Variants in YEATS2 observed in about 807,000 individuals in gnomAD.
YEATS2 encodes YEATS domain-containing protein 2.
In YEATS2, 77 loss-of-function variants were observed where a neutral mutation model predicts 163.2. The observed-to-expected ratio is 0.47, with a 90% CI of 0.39 to 0.57. YEATS2 has a LOEUF of 0.57. Ranked by LOEUF, YEATS2 falls within the 20% of genes least tolerant of loss-of-function variation. The pLI is 0.00. For synonymous variants in YEATS2, 631 were observed against 645.1 expected, an observed-to-expected ratio of 0.98 and a Z score of 0.33; for missense variants, 1,549 against 1,729.8, an observed-to-expected ratio of 0.90 and a Z score of 1.85.
intron 1 of YEATS2, among the ~76,000 whole-genome samples, chr3:183,700,584 C>CT (rs1713953577): frequency 6.8e-6 from 1 of 146,518 alleles, no homozygotes. Flanking sequence ...TTTTCTTTTT[C>CT]TTTTCTTTTC....
At chr3:183,729,824 A>T (rs957569369) in intron 7 of YEATS2, among the ~76,000 whole-genome samples, 11 of 151,768 alleles carry the variant, frequency 7.2e-5, no homozygotes, top group Admixed American at 1.3e-4. Flanking sequence ...AGTAGCTGGG[A>T]TTACAGGTGC....
chr3:183,721,970 C>T lies in YEATS2; in HGVS notation c.371C>T (p.Ser124Phe), dbSNP rs1210377435. The T allele has an allele frequency of 1.2e-6, 2 of 1,614,152 alleles. No homozygotes were observed. Among genetic ancestry groups the T allele is most frequent in the East Asian group, 4.5e-5 (2 of 44,872 alleles). Reference protein sequence around the residue: ...KFLESPSRSSSPANQRAETPS... With the variant: ...KFLESPSRSSFPANQRAETPS... ...TTGGAATCACCATCTAGGTCATCAT[C>T]TCCTGCCAATCAGAGAGCAGAAACA... is the stretch of plus-strand genomic sequence containing the variant. The change falls in exon 5 of 31, where the codon TCT becomes TTT. Residue 124 changes from serine to phenylalanine, a missense_variant. By Grantham distance (155) the Ser-to-Phe change is radical (BLOSUM62 -2). Coordinates refer to ENST00000305135, the MANE Select transcript of YEATS2 (RefSeq NM_018023.5).
chr3:183,709,946 C>T (rs776460236), intron 1 of YEATS2, among the ~76,000 whole-genome samples: 2 of 152,108 alleles, frequency 1.3e-5, no homozygotes, highest in Non-Finnish European at 2.9e-5. Flanking sequence ...TCCCAAAGTG[C>T]TGGGATTACA....
At chr3:183,792,461 C>T (rs1040394269) in intron 21 of YEATS2, among the ~76,000 whole-genome samples, 3 of 152,152 alleles carry the variant, frequency 2.0e-5, no homozygotes. Flanking sequence ...ATCCATGTCC[C>T]TGCAAAGGAC....
chr3:183,717,665 G>A lies in YEATS2; in HGVS notation c.115G>A (p.Val39Met). ...TCTTTGTACAGCTCGAGATGCTGCTGTGCAGAAGATTGAGACTATTATCAA... is the reference window on the plus strand; with the variant it reads ...TCTTTGTACAGCTCGAGATGCTGCTATGCAGAAGATTGAGACTATTATCAA... ...AIENSARDAA[V>M]QKIETIIKEQ... The change falls in exon 3 of 31, where the codon GTG becomes ATG. Residue 39 changes from valine (V) to methionine (M), a missense_variant. Transcript: ENST00000305135. The A allele has an allele frequency of 6.4e-7, 1 of 1,567,750 alleles. No individual in the cohort carries two copies. The highest frequency in any genetic ancestry group is 2.4e-5 in the East Asian group (1 of 41,420).
intron 15 of YEATS2, among the ~76,000 whole-genome samples, chr3:183,771,726 T>A (rs1722498365): frequency 2.1e-5 from 1 of 46,582 alleles, no homozygotes; most frequent in Non-Finnish European, 5.5e-5. Context: ...TAATTTTTTT[T>A]TTTTTTTTTT....
At chr3:183,698,148 A>G (rs898130225) in intron 1 of YEATS2, among the ~76,000 whole-genome samples, 155 bp downstream of exon 1, 9 of 151,358 alleles carry the variant, frequency 5.9e-5, no homozygotes, top group Non-Finnish European at 8.9e-5. Flanking sequence ...GGCCGAGGGG[A>G]GGGCAGGGAG....
At chr3:183,752,481 G>A (rs993526511) in intron 10 of YEATS2, among the ~76,000 whole-genome samples, 7 of 152,180 alleles carry the variant, frequency 4.6e-5, no homozygotes, top group African/African-American at 1.4e-4. Flanking sequence ...AGGCCAAGGC[G>A]GGTGGATCAT....
intron 12 of YEATS2, among the ~76,000 whole-genome samples, chr3:183,758,072 T>C (rs986321875): frequency 6.6e-6 from 1 of 152,152 alleles, no homozygotes. Context: ...AAATGTTTAA[T>C]GTTGGCCAGG....
intron 8 of YEATS2, among the ~76,000 whole-genome samples, chr3:183,746,629 T>C (rs564337088): frequency 1.1e-4 from 16 of 151,654 alleles, no homozygotes; most frequent in African/African-American, 3.6e-4. Flanking sequence ...CTCTGGAGAC[T>C]GTGAAAATGG....
rs748326328 is a variant in YEATS2, at chr3:183,786,110, A to G, written c.2737-15A>G. On this transcript the variant is annotated splice_polypyrimidine_tract_variant and intron_variant, in intron 19 of 30. Coordinates refer to ENST00000305135, the MANE Select transcript of YEATS2 (RefSeq NM_018023.5). Reference sequence around the variant, plus strand: ...CAAGGCAACATGATTATTTCTGCCCATCTTGTTTCTGCAGGCAGCCCATGG... The same window carrying G: ...CAAGGCAACATGATTATTTCTGCCCGTCTTGTTTCTGCAGGCAGCCCATGG... The G allele has an allele frequency of 3.7e-6, 6 of 1,607,982 alleles. No individual in the cohort carries two copies. In the African/African-American group the frequency reaches 4.0e-5, roughly 11 times the overall value.
chr3:183,718,436 A>C, intron 3 of YEATS2, 64 bp from the exon 4 acceptor site: 1 of 1,245,946 alleles, frequency 8.0e-7, no homozygotes, highest in Middle Eastern at 2.0e-4. Context: ...TATTTTGTGA[A>C]TTGTTTGTAC....
At chr3:183,790,315 T>G (rs185738268) in intron 20 of YEATS2, among the ~76,000 whole-genome samples, 1 of 152,332 alleles carries the variant, frequency 6.6e-6, no homozygotes, top group East Asian at 1.9e-4. Context: ...GACTGTTTCC[T>G]TGGTCGCTTT....
At chr3:183,765,640 A>G (rs1310434298) in intron 15 of YEATS2, among the ~76,000 whole-genome samples, 1 of 152,184 alleles carries the variant, frequency 6.6e-6, no homozygotes, top group Admixed American at 6.5e-5. Flanking sequence ...GCTGAAGTGC[A>G]TTCCTAGAAA....
rs1340348859 is a variant in YEATS2 at position 183,803,900 on chromosome 3, AGGAT to A, written c.3583-84_3583-81del. 3 of 1,401,214 alleles carry A rather than the reference AGGAT, an allele frequency of 2.1e-6. No individual in the cohort carries two copies. In the African/African-American group the frequency reaches 4.3e-5, roughly 20 times the overall value. The allele number at this position is 1,401,214 out of a possible 1,614,324, so 86.8% of individuals were successfully genotyped here. ...AAAAAAAATTCTAACAGGTTAGGTT[AGGAT>A]GGTGATTTATGGTTGCATGATACGT... On this transcript the variant is annotated intron_variant, in intron 26 of 30. Transcript: ENST00000305135.
chr3:183,782,386 G>T (rs940761733), intron 19 of YEATS2, among the ~76,000 whole-genome samples: 2 of 151,752 alleles, frequency 1.3e-5, no homozygotes, highest in Admixed American at 1.3e-4. Context: ...TAGGATTACG[G>T]ACATGAGCCA....
chr3:183,810,884 G>A lies in YEATS2; in HGVS notation c.*301G>A, dbSNP rs1726739665. The A allele has an allele frequency of 2.9e-6, 1 of 343,538 alleles. No homozygotes were observed. Among genetic ancestry groups the A allele is most frequent in the South Asian group, 2.8e-5 (1 of 35,126 alleles). The allele number at this position is 343,538 out of a possible 1,614,324, so 21.3% of individuals were successfully genotyped here. A position where few individuals can be genotyped will look rare whatever the true frequency, so the allele number is the denominator to read the frequency against. Reference sequence around the variant, plus strand: ...AGAGCGGGCCAGGCCGTGTGCCTCAGGCCCTTCTCCCTGGGTGTGCTTAAG... The same window carrying A: ...AGAGCGGGCCAGGCCGTGTGCCTCAAGCCCTTCTCCCTGGGTGTGCTTAAG... On this transcript the variant is annotated 3_prime_UTR_variant, in exon 31 of 31. Coordinates refer to ENST00000305135, the MANE Select transcript of YEATS2 (RefSeq NM_018023.5).
At chr3:183,725,669 T>G (rs1717013246) in intron 6 of YEATS2, among the ~76,000 whole-genome samples, 1 of 152,218 alleles carries the variant, frequency 6.6e-6, no homozygotes, top group South Asian at 2.1e-4. Flanking sequence ...CCCCCATGAT[T>G]CAATTACCTC....
intron 19 of YEATS2, 72 bp downstream of exon 19, chr3:183,777,772 T>A (rs993564167): frequency 5.3e-6 from 8 of 1,511,588 alleles, no homozygotes; most frequent in Non-Finnish European, 7.1e-6. Context: ...ACATGTAGTT[T>A]CTCTCTTTTC....
Sources: allele counts gnomAD v4.1 joint callset (sites outside exome capture counted in the v4.1 genomes callset), GRCh38; gene constraint gnomAD v4.1.1; transcripts MANE v1.5; gene names NCBI Gene and HGNC (gene_info 2026-07-23, HGNC 2026-07-21).